DNM3: variants seen among roughly 807,000 people sequenced by gnomAD.
The protein encoded by DNM3 is dynamin 3, also known as dynamin-3.
A neutral mutation model predicts 101.6 loss-of-function variants in DNM3; 47 were observed. The observed-to-expected ratio is 0.46, with a 90% CI of 0.37 to 0.59. DNM3 has a LOEUF of 0.59. Among genes scored for constraint, DNM3 ranks in the 20% least tolerant of loss-of-function variants. The pLI, the probability that DNM3 is intolerant of heterozygous loss-of-function variation, is 0.00. For synonymous variants in DNM3, 385 were observed against 387.9 expected (o/e 0.99, Z 0.09); for missense variants, 849 against 1,085.7 (o/e 0.78, Z 3.06).
At chr1:171,906,516 A>C (rs1031320990) in intron 1 of DNM3, among the ~76,000 whole-genome samples, 3 of 152,158 alleles carry the variant, frequency 2.0e-5, no homozygotes, top group Non-Finnish European at 4.4e-5. Flanking sequence ...AACTTGGACA[A>C]GAAATGTTTG....
intron 14 of DNM3, among the ~76,000 whole-genome samples, chr1:172,215,096 G>A (rs1030811503): frequency 6.6e-6 from 1 of 152,080 alleles, no homozygotes; most frequent in Non-Finnish European, 1.5e-5. Context: ...CTAAAGACGA[G>A]TGTTCGGATA....
intron 4 of DNM3, among the ~76,000 whole-genome samples, chr1:172,003,713 A>G (rs1236170760): frequency 6.7e-6 from 1 of 148,980 alleles, no homozygotes; most frequent in South Asian, 2.1e-4. Flanking sequence ...ATATCTGGAG[A>G]GGTATTTGAA....
intron 15 of DNM3, among the ~76,000 whole-genome samples, chr1:172,257,911 A>G (rs61807827): frequency 6.2e-5 from 9 of 144,724 alleles, no homozygotes; most frequent in African/African-American, 2.5e-4. Context: ...CACACAGACA[A>G]ACAGACACAC....
At chr1:171,985,167 C>T (rs1175599600) in intron 2 of DNM3, among the ~76,000 whole-genome samples, 1 of 152,106 alleles carries the variant, frequency 6.6e-6, no homozygotes, top group Non-Finnish European at 1.5e-5. Flanking sequence ...AACTCTATGA[C>T]AGAACAGTTG....
At chr1:172,317,038 C>G (rs2065408430) in intron 16 of DNM3, among the ~76,000 whole-genome samples, 1 of 152,140 alleles carries the variant, frequency 6.6e-6, no homozygotes, top group Admixed American at 6.5e-5. Context: ...AACAAACTGT[C>G]TCTCAGACCA....
At chr1:171,892,342 A>C (rs2037362285) in intron 1 of DNM3, among the ~76,000 whole-genome samples, 1 of 152,208 alleles carries the variant, frequency 6.6e-6, no homozygotes, top group Non-Finnish European at 1.5e-5. Context: ...TCTAGGCACT[A>C]GGTGTACTCA....
chr1:172,063,067 T>C (rs1178125735), intron 10 of DNM3, among the ~76,000 whole-genome samples: 1 of 152,240 alleles, frequency 6.6e-6, no homozygotes, highest in Non-Finnish European at 1.5e-5. Context: ...AGCCAGCATT[T>C]AAAGGTTTAT....
At chr1:172,176,375 G>C (rs1007767154) in intron 14 of DNM3, among the ~76,000 whole-genome samples, 3 of 151,808 alleles carry the variant, frequency 2.0e-5, no homozygotes, top group African/African-American at 4.8e-5. Context: ...ACCCATTTTA[G>C]ACTTATGATC....
intron 16 of DNM3, among the ~76,000 whole-genome samples, chr1:172,322,020 C>T (rs2065741290): frequency 6.6e-6 from 1 of 152,012 alleles, no homozygotes; most frequent in Non-Finnish European, 1.5e-5. Flanking sequence ...ACTCACAATG[C>T]CAAGAAACTT....
At chr1:172,042,209 T>G in intron 8 of DNM3, 65 bp downstream of exon 8, 1 of 1,446,980 alleles carries the variant, frequency 6.9e-7, no homozygotes, top group Non-Finnish European at 9.2e-7. Context: ...TTATACAACT[T>G]AATACAATAT....
chr1:172,026,583 G>A (rs1160978283), intron 4 of DNM3, among the ~76,000 whole-genome samples: 1 of 151,850 alleles, frequency 6.6e-6, no homozygotes, highest in Non-Finnish European at 1.5e-5. Flanking sequence ...CAGAAAAGAG[G>A]CCCATCAGAC....
chr1:171,864,475 C>T (rs2034505763), intron 1 of DNM3: 1 of 152,214 alleles, frequency 6.6e-6, no homozygotes, highest in Non-Finnish European at 1.5e-5. Context: ...AAGAAGCTAA[C>T]AGAGCTCATG....
intron 14 of DNM3, among the ~76,000 whole-genome samples, chr1:172,145,438 C>T (rs2057839532): frequency 6.7e-6 from 1 of 149,102 alleles, no homozygotes; most frequent in African/African-American, 2.5e-5. Context: ...CTCCCTCCTT[C>T]TCCTGTCTGT....
intron 4 of DNM3, among the ~76,000 whole-genome samples, chr1:172,001,804 C>T (rs1277550090): frequency 6.6e-6 from 1 of 151,946 alleles, no homozygotes; most frequent in Non-Finnish European, 1.5e-5. Flanking sequence ...GGGTGTGTCC[C>T]TACATACCTC....
At chr1:172,404,524 C>T (rs1301334918) in intron 20 of DNM3, among the ~76,000 whole-genome samples, 3 of 152,016 alleles carry the variant, frequency 2.0e-5, no homozygotes, top group Non-Finnish European at 2.9e-5. Context: ...GCCACATGGT[C>T]CAAGGATTAA....
chr1:172,338,858 A>G (rs1266635514), intron 17 of DNM3: 3 of 469,106 alleles, frequency 6.4e-6, no homozygotes, highest in African/African-American at 5.9e-5. Context: ...TAAATCCAGA[A>G]TGAAAGTGCA....
At chr1:172,385,620 C>T (rs2069138670) in intron 18 of DNM3, among the ~76,000 whole-genome samples, 1 of 152,202 alleles carries the variant, frequency 6.6e-6, no homozygotes, top group Non-Finnish European at 1.5e-5. Flanking sequence ...GAATTATTTA[C>T]ATGTTTTGAT....
intron 17 of DNM3, among the ~76,000 whole-genome samples, chr1:172,330,750 T>A (rs1373337224): frequency 6.6e-6 from 1 of 152,056 alleles, no homozygotes; most frequent in Non-Finnish European, 1.5e-5. Context: ...AAGAAAAGTA[T>A]AAAATGGTGA....
At chr1:171,950,606 A>G (rs763373749) in intron 2 of DNM3, among the ~76,000 whole-genome samples, 1 of 152,186 alleles carries the variant, frequency 6.6e-6, no homozygotes, top group Non-Finnish European at 1.5e-5. Flanking sequence ...CTGTATTTAT[A>G]TAAAAATATA....
Sources: gnomAD v4.1 joint callset for allele counts (sites outside exome capture counted in the v4.1 genomes callset) on GRCh38, gnomAD v4.1.1 for gene constraint, MANE v1.5 for transcripts, NCBI Gene and HGNC (gene_info 2026-07-23, HGNC 2026-07-21) for gene names.